WDR26: variants seen among roughly 807,000 people sequenced by gnomAD.
WDR26 encodes the protein WD repeat-containing protein 26.
In WDR26, 5 loss-of-function variants were observed where a neutral mutation model predicts 84.1. That is an observed-to-expected ratio of 0.06 (90% CI 0.03 to 0.13). The LOEUF is 0.13. Among genes scored for constraint, WDR26 ranks in the 10% least tolerant of loss-of-function variants. The probability of loss-of-function intolerance (pLI) is 1.00; values close to 1 mark genes in which losing one functional copy is unlikely to be tolerated. For synonymous variants in WDR26, 415 were observed against 389.6 expected, an observed-to-expected ratio of 1.07 and a Z score of -0.77; for missense variants, 642 against 974.9, an observed-to-expected ratio of 0.66 and a Z score of 4.55.
chr1:224,399,224 C>A (rs1179297656), intron 9 of WDR26, among the ~76,000 whole-genome samples, 190 bp from the exon 10 acceptor site: 1 of 151,732 alleles, frequency 6.6e-6, no homozygotes, highest in Non-Finnish European at 1.5e-5. Flanking sequence ...AATTTCATTA[C>A]AACCATACTT....
chr1:224,405,133 C>T (rs1032102249), intron 7 of WDR26, among the ~76,000 whole-genome samples: 1 of 152,274 alleles, frequency 6.6e-6, no homozygotes, highest in Admixed American at 6.5e-5. Context: ...CTGTCTCTGT[C>T]TCTATAGATT....
At position 224,393,915 on chromosome 1, in the gene WDR26, T is replaced by C. The variant is rs773725140; in HGVS notation, c.2173A>G (p.Ile725Val). 3.1e-6 allele frequency: 5 copies of C among 1,594,248 alleles called. No individual in the cohort carries two copies. In the South Asian group the frequency reaches 5.6e-5, roughly 18 times the overall value. The change falls in exon 13 of 14, where the codon ATT (isoleucine) becomes GTT (valine). Residue 725 changes from isoleucine (I) to valine (V), a missense_variant. Coordinates refer to ENST00000414423, the MANE Select transcript of WDR26 (RefSeq NM_001379403.1). ...GAGGCGCTGGCCATCATGGATGGAA[T>C]CTGTGGGTTCCAGCTCACACAGTTT... is the stretch of plus-strand genomic sequence containing the variant.
chr1:224,419,762 T>C (rs1255724422), intron 4 of WDR26, 147 bp from the exon 5 acceptor site: 2 of 620,274 alleles, frequency 3.2e-6, no homozygotes, highest in South Asian at 3.9e-5. Context: ...TAATATAATA[T>C]GGCACCTGCA....
rs190427362 is a variant in WDR26, at chr1:224,386,268, G to A, written c.*3567C>T. The A allele has an allele frequency of 2.9e-3, 438 of 152,612 alleles. 2 individuals carry two copies. The highest frequency in any genetic ancestry group is 0.018 in the South Asian group (85 of 4,824). The allele number at this position is 152,612 out of a possible 1,614,324, so 9.5% of individuals were successfully genotyped here. ...GAGGGCAACCCAAAAGGACAGTTGC[G>A]AAATTATGAATGAGAAATTAAAGTA... On this transcript the variant is annotated 3_prime_UTR_variant, in exon 14 of 14. Transcript: ENST00000414423.
Position 224,434,571 on chromosome 1 carries a change from T to TCC in WDR26, c.-168_-167dup, listed in dbSNP as rs541240514. The TCC allele has an allele frequency of 5.7e-5, 17 of 296,022 alleles. No individual in the cohort carries two copies. In the South Asian group the frequency reaches 1.7e-3, roughly 29 times the overall value. 18.3% of individuals were successfully genotyped at this position (296,022 alleles called of 1,614,324 possible). On this transcript the variant is annotated 5_prime_UTR_variant, in exon 1 of 14. Coordinates refer to ENST00000414423, the MANE Select transcript of WDR26 (RefSeq NM_001379403.1). ...GGGGAGAAGGAGGATCCGGGCCCTT[T>TCC]CCCCCCCCCCTCCCGGAGGCAGCTC... is the stretch of plus-strand genomic sequence containing the variant.
intron 8 of WDR26, 92 bp downstream of exon 8, chr1:224,404,338 G>C: frequency 7.0e-7 from 1 of 1,428,780 alleles, no homozygotes; most frequent in South Asian, 1.6e-5. Flanking sequence ...AGGTTGAATG[G>C]TTATATTATA....
chr1:224,395,017 T>C (rs893673953), intron 12 of WDR26, among the ~76,000 whole-genome samples: 1 of 152,152 alleles, frequency 6.6e-6, no homozygotes, highest in Non-Finnish European at 1.5e-5. Context: ...ACAGCTTTCT[T>C]TGTAATAAAC....
chr1:224,431,947 A>T (rs1330004552), intron 1 of WDR26, among the ~76,000 whole-genome samples, 166 bp from the exon 2 acceptor site: 2 of 152,258 alleles, frequency 1.3e-5, no homozygotes, highest in African/African-American at 4.8e-5. Flanking sequence ...TTTAAAACTG[A>T]CACCTACATT....
chr1:224,411,623 A>C, intron 6 of WDR26, 58 bp from the exon 7 acceptor site: 1 of 1,487,082 alleles, frequency 6.7e-7, no homozygotes, highest in Non-Finnish European at 9.0e-7. Context: ...AATAATAATA[A>C]AAAAGGTTAA....
At chr1:224,409,337 G>T (rs11800357) in intron 7 of WDR26, among the ~76,000 whole-genome samples, 14,381 of 152,018 alleles carry the variant, frequency 0.095, 2,143 homozygotes, top group African/African-American at 0.32. Flanking sequence ...CCTTAGTAAT[G>T]AATACATAAC....
chr1:224,427,564 G>A (rs1674265665), intron 3 of WDR26, among the ~76,000 whole-genome samples: 1 of 152,158 alleles, frequency 6.6e-6, no homozygotes, highest in Non-Finnish European at 1.5e-5. Context: ...TATAAAAGTA[G>A]CACAAGAGCA....
intron 7 of WDR26, among the ~76,000 whole-genome samples, chr1:224,407,333 A>G (rs1394607494): frequency 6.8e-6 from 1 of 147,330 alleles, no homozygotes; most frequent in Non-Finnish European, 1.5e-5. Flanking sequence ...CCTTGCTTGG[A>G]TTCTGCGGGG....
rs1673073529 is a variant in WDR26, at chr1:224,389,775, A to G, written c.*60T>C. ...ATCATGTTTGTTTGCACCAAATCCC[A>G]AGCCATTAAAATACGACTAATTTTA... On this transcript the variant is annotated 3_prime_UTR_variant, in exon 14 of 14. Transcript: ENST00000414423. 4.0e-6 allele frequency: 6 copies of G among 1,504,986 alleles called. No homozygotes were observed. Among genetic ancestry groups the G allele is most frequent in the African/African-American group, 1.4e-5 (1 of 72,412 alleles). The allele number at this position is 1,504,986 out of a possible 1,614,324, so 93.2% of individuals were successfully genotyped here. A position where few individuals can be genotyped will look rare whatever the true frequency, so the allele number is the denominator to read the frequency against.
At chr1:224,398,413 G>A (rs1673319559) in intron 11 of WDR26, 102 bp downstream of exon 11, 1 of 1,263,472 alleles carries the variant, frequency 7.9e-7, no homozygotes, top group Admixed American at 2.8e-5. Context: ...CAAATTTAAG[G>A]GTAAGTAGAA....
chr1:224,390,801 CAA>C (rs959698149), intron 13 of WDR26, among the ~76,000 whole-genome samples: 37 of 151,692 alleles, frequency 2.4e-4, no homozygotes, highest in African/African-American at 8.5e-4. Context: ...ACAAAAAAAA[CAA>C]AAGTGTAAAA....
intron 7 of WDR26, among the ~76,000 whole-genome samples, chr1:224,407,151 A>AAAAAAATATATAT: frequency 2.5e-4 from 3 of 11,868 alleles, no homozygotes; most frequent in African/African-American, 3.9e-4. Flanking sequence ...AAAAAAAAAA[A>AAAAAAATATATAT]ATATATATAT....
At chr1:224,428,628 G>A (rs958886278) in intron 3 of WDR26, among the ~76,000 whole-genome samples, 1 of 152,092 alleles carries the variant, frequency 6.6e-6, no homozygotes, top group Non-Finnish European at 1.5e-5. Flanking sequence ...CCGGCACGGT[G>A]GCTCACGCCT....
chr1:224,424,541 T>C lies in WDR26; in HGVS notation c.1041A>G (p.Thr347=), dbSNP rs1674157493. Reference sequence around the variant, plus strand: ...ACCCACTAAGAACATGAATGCGCTCTGTATTGTATTTCAGCGGCGTCAATT... The same window carrying C: ...ACCCACTAAGAACATGAATGCGCTCCGTATTGTATTTCAGCGGCGTCAATT... Residue 347 remains threonine, a synonymous_variant, in exon 4 of 14, where the codon ACA becomes ACG. Transcript: ENST00000414423. 1.2e-6 allele frequency: 2 copies of C among 1,613,916 alleles called. No homozygotes were observed. The highest frequency in any genetic ancestry group is 1.7e-5 in the Admixed American group (1 of 60,002).
rs1219084363 is a variant in WDR26 at position 224,407,171 on chromosome 1, T to TATATATAA, written c.1459-2602_1459-2601insTTATATAT. Among the ~76,000 whole-genome samples the TATATATAA allele has an allele frequency of 1.2e-4, 11 of 94,460 alleles. 2 individuals are homozygous for TATATATAA. Among genetic ancestry groups the TATATATAA allele is most frequent in the African/African-American group, 4.7e-4 (11 of 23,316 alleles). 62.0% of individuals were successfully genotyped at this position (94,460 alleles called of 152,430 possible). On this transcript the variant is annotated intron_variant, in intron 7 of 13. Coordinates refer to ENST00000414423, the MANE Select transcript of WDR26 (RefSeq NM_001379403.1). Reference sequence around the variant, plus strand: ...AAAAAAATATATATATATATATATATAACTCAAAAACTTTTATGTACATGA... The same window carrying TATATATAA: ...AAAAAAATATATATATATATATATATATATATAAAACTCAAAAACTTTTATGTACATGA...
Sources: gnomAD v4.1 joint callset for allele counts (sites outside exome capture counted in the v4.1 genomes callset) on GRCh38, gnomAD v4.1.1 for gene constraint, MANE v1.5 for transcripts, NCBI Gene and HGNC (gene_info 2026-07-23, HGNC 2026-07-21) for gene names.